The following VAV1 variants were observed in gnomAD, a reference collection of about 807,000 sequenced individuals.
The protein encoded by VAV1 is proto-oncogene vav.
In VAV1, 33 loss-of-function variants were observed where a neutral mutation model predicts 128.1. That is an observed-to-expected ratio of 0.26 (90% CI 0.20 to 0.34). The LOEUF (loss-of-function observed/expected upper bound fraction) is 0.34. VAV1 is among the 10% of genes least tolerant of loss of function. The pLI, the probability that VAV1 is intolerant of heterozygous loss-of-function variation, is 1.00. For missense variants in VAV1, 715 were observed against 1,093.7 expected (o/e 0.65, Z 4.88); for synonymous variants, 394 against 409.8 (o/e 0.96, Z 0.47).
intron 1 of VAV1, among the ~76,000 whole-genome samples, chr19:6,795,097 G>A (rs181909734): frequency 1.1e-3 from 167 of 152,220 alleles, no homozygotes; most frequent in Non-Finnish European, 1.4e-3. Context: ...GCTGCAAGGC[G>A]TCTTCTAACC....
intron 21 of VAV1, among the ~76,000 whole-genome samples, chr19:6,838,389 T>C (rs2144804097): frequency 8.1e-6 from 1 of 123,158 alleles, no homozygotes; most frequent in Non-Finnish European, 1.7e-5. Context: ...CAATCAGTTC[T>C]TCTATCCATC....
intron 1 of VAV1, among the ~76,000 whole-genome samples, chr19:6,785,898 A>T (rs1406433185): frequency 1.3e-5 from 2 of 151,962 alleles, no homozygotes; most frequent in African/African-American, 4.8e-5. Context: ...ACTTCAAGTG[A>T]TCCGCCCGTC....
rs138123698 is a variant in VAV1, at chr19:6,810,321, C to A, written c.205-10381C>A. 5.3e-3 allele frequency among the ~76,000 whole-genome samples: 799 copies of A among 152,134 alleles called. 6 individuals are homozygous for A. The highest frequency in any genetic ancestry group is 0.014 in the Middle Eastern group (4 of 294). ...CTTCAGCCTGGGCAACAGAGTGAGA[C>A]CCTGTCTCTAAAGAAATAAAAATAA... On this transcript the variant is annotated intron_variant, in intron 1 of 26. Transcript: ENST00000602142.
At chr19:6,835,051 A>T (rs1045201161) in intron 19 of VAV1, among the ~76,000 whole-genome samples, 38 of 152,210 alleles carry the variant, frequency 2.5e-4, no homozygotes, top group African/African-American at 8.2e-4. Context: ...TCAAAAAAAT[A>T]AAAAAATAAA....
intron 2 of VAV1, 149 bp from the exon 3 acceptor site, chr19:6,821,473 G>A: frequency 1.2e-6 from 1 of 807,204 alleles, no homozygotes; most frequent in Non-Finnish European, 2.1e-6. Flanking sequence ...GAGAACGATG[G>A]TATGGGGAAT....
intron 21 of VAV1, among the ~76,000 whole-genome samples, chr19:6,838,892 CTTTATTTATTTA>C (rs147546726): frequency 2.0e-5 from 3 of 149,966 alleles, no homozygotes; most frequent in African/African-American, 7.5e-5. Context: ...TTATGCTCAG[CTTTATTTATTTA>C]TTTATTTATT....
intron 1 of VAV1, among the ~76,000 whole-genome samples, chr19:6,789,654 G>A (rs552809846): frequency 6.6e-6 from 1 of 151,424 alleles, no homozygotes; most frequent in South Asian, 2.1e-4. Context: ...CTGGACTACA[G>A]TGGTGTGATC....
chr19:6,824,432 G>A (rs1764808840), intron 6 of VAV1, among the ~76,000 whole-genome samples: 1 of 152,138 alleles, frequency 6.6e-6, no homozygotes, highest in African/African-American at 2.4e-5. Flanking sequence ...GGCTTCTTTT[G>A]CTGAGCGTAG....
At chr19:6,778,328 G>C (rs1016475393) in intron 1 of VAV1, among the ~76,000 whole-genome samples, 2 of 152,182 alleles carry the variant, frequency 1.3e-5, no homozygotes, top group Non-Finnish European at 2.9e-5. Context: ...TGGTTGGAAA[G>C]ATCCACCAGG....
chr19:6,780,732 C>T (rs922087251), intron 1 of VAV1, among the ~76,000 whole-genome samples: 6 of 149,212 alleles, frequency 4.0e-5, no homozygotes, highest in Admixed American at 2.0e-4. Context: ...CCACCACATC[C>T]GGCTAATTTT....
intron 13 of VAV1, among the ~76,000 whole-genome samples, 197 bp from the exon 14 acceptor site, chr19:6,829,589 G>A (rs1972007467): frequency 6.6e-6 from 1 of 152,138 alleles, no homozygotes; most frequent in African/African-American, 2.4e-5. Flanking sequence ...CGAGGGGTAT[G>A]GGTGGAGCGA....
chr19:6,833,713 T>G lies in VAV1; in HGVS notation c.1711T>G (p.Phe571Val). 1 of 1,614,126 alleles carries G rather than the reference T, an allele frequency of 6.2e-7. No homozygotes were observed. The highest frequency in any genetic ancestry group is 8.5e-7 in the Non-Finnish European group (1 of 1,180,016). The change falls in exon 18 of 27, where the codon TTC becomes GTC. Residue 571 changes from phenylalanine to valine, a missense_variant and splice_region_variant. By Grantham distance (50) the Phe-to-Val change is conservative. This residue lies in a region of VAV1 where 407 missense variants were observed against 580.6 expected (regional missense o/e 0.70). Coordinates refer to ENST00000602142, the MANE Select transcript of VAV1 (RefSeq NM_005428.4). ...CCATTTCCTTTACCCTCCCGTAGAT[T>G]TCCCAGGAACTATGAAGAAGGTAAG... Reference protein sequence around the residue: ...VPPCGRHGQDFPGTMKKDKLH... With the variant: ...VPPCGRHGQDVPGTMKKDKLH...
intron 1 of VAV1, among the ~76,000 whole-genome samples, chr19:6,807,861 C>T (rs1287791865): frequency 2.0e-5 from 3 of 151,266 alleles, no homozygotes; most frequent in South Asian, 4.2e-4. Flanking sequence ...CTTGGTGGCA[C>T]ACACCTGTAA....
At chr19:6,842,086 C>T (rs563945522) in intron 21 of VAV1, among the ~76,000 whole-genome samples, 4 of 151,874 alleles carry the variant, frequency 2.6e-5, no homozygotes, top group East Asian at 3.9e-4. Context: ...ATTAGCCGGG[C>T]GTGGTGACAC....
chr19:6,809,077 C>CTT lies in VAV1; in HGVS notation c.205-11605_205-11604dup, dbSNP rs34550612. Among the ~76,000 whole-genome samples the CTT allele has an allele frequency of 3.3e-3, 484 of 145,696 alleles. 2 individuals are homozygous for CTT. Among genetic ancestry groups the CTT allele is most frequent in the African/African-American group, 0.012 (461 of 38,706 alleles). On this transcript the variant is annotated intron_variant, in intron 1 of 26. Transcript: ENST00000602142. ...AGATGAAGACTTAGAATCTACCTCT[C>CTT]TTTTTTTTTTTTTTTTTTTTTGAGA...
intron 15 of VAV1, 115 bp downstream of exon 15, chr19:6,832,315 AGT>A: frequency 1.1e-6 from 1 of 933,158 alleles, no homozygotes; most frequent in Non-Finnish European, 1.6e-6. Flanking sequence ...TCTGAACCAC[AGT>A]CTCTTCATTT....
intron 23 of VAV1, among the ~76,000 whole-genome samples, chr19:6,848,548 G>A (rs138672593): frequency 1.5e-3 from 225 of 150,914 alleles, no homozygotes; most frequent in African/African-American, 5.3e-3. Context: ...GATTACAGGC[G>A]CCTGTGACCA....
Position 6,820,952 on chromosome 19 carries a change from T to A in VAV1, c.321+134T>A. On this transcript the variant is annotated intron_variant, in intron 2 of 26. Transcript: ENST00000602142. This position sits in a 1 kb window ranked among gnomAD's most constrained non-coding sequence, Gnocchi z 4.4. ...GCCATATACAAGACGCAAATAGCAC[T>A]GGCTTGGGATATGTGGAACTGGGTT... is the stretch of plus-strand genomic sequence containing the variant. 1 of 785,902 alleles carries A rather than the reference T, an allele frequency of 1.3e-6. No homozygotes were observed. Among genetic ancestry groups the A allele is most frequent in the East Asian group, 2.5e-5 (1 of 40,534 alleles). 48.7% of individuals were successfully genotyped at this position (785,902 alleles called of 1,614,324 possible).
chr19:6,851,059 T>A lies in VAV1; in HGVS notation c.2217+302T>A, dbSNP rs141817856. 1.6e-3 allele frequency among the ~76,000 whole-genome samples: 236 copies of A among 152,184 alleles called. 2 individuals are homozygous for A. Among genetic ancestry groups the A allele is most frequent in the African/African-American group, 5.3e-3 (220 of 41,510 alleles). ...GTATATATGCATATATACATACATA[T>A]GTATGTATGTGTATTTAAATTTTAC... is the stretch of plus-strand genomic sequence containing the variant. On this transcript the variant is annotated intron_variant, in intron 24 of 26. Transcript: ENST00000602142.
Sources: gnomAD v4.1 joint callset for allele counts (sites outside exome capture counted in the v4.1 genomes callset) on GRCh38, gnomAD v4.1.1 for gene constraint, gnomAD v4.1.1 regional missense constraint, Gnocchi (gnomAD v3.1) non-coding constraint, MANE v1.5 for transcripts, NCBI Gene and HGNC (gene_info 2026-07-23, HGNC 2026-07-21) for gene names.